PARD3B: variants seen among roughly 807,000 people sequenced by gnomAD.
PARD3B encodes the protein partitioning defective 3 homolog B.
A neutral mutation model predicts 130.2 loss-of-function variants in PARD3B; 103 were observed. That is an observed-to-expected ratio of 0.79 (90% CI 0.67 to 0.93). The LOEUF (loss-of-function observed/expected upper bound fraction) is 0.93. Ranked by LOEUF, PARD3B falls within the 40% of genes least tolerant of loss-of-function variation. The pLI, the probability that PARD3B is intolerant of heterozygous loss-of-function variation, is 0.00. For synonymous variants in PARD3B, 583 were observed against 553.2 expected (o/e 1.05, Z -0.76); for missense variants, 1,609 against 1,499.2 (o/e 1.07, Z -1.21).
chr2:204,935,998 A>G (rs1225464053), intron 2 of PARD3B, among the ~76,000 whole-genome samples: 1 of 152,238 alleles, frequency 6.6e-6, no homozygotes, highest in African/African-American at 2.4e-5. Context: ...GGAAGGCCCT[A>G]AGTGTCTATA....
chr2:205,168,320 A>AGTGTGTGTGTGT (rs1553630288), intron 11 of PARD3B, among the ~76,000 whole-genome samples: 9 of 119,690 alleles, frequency 7.5e-5, no homozygotes, highest in Non-Finnish European at 1.5e-4. Flanking sequence ...AGAGAGAGAG[A>AGTGTGTGTGTGT]GTGTGTGTGT....
rs892967338 is a variant in PARD3B, at chr2:205,265,839, G to T, written c.2185+20017G>T. 6.6e-6 allele frequency among the ~76,000 whole-genome samples: 1 copy of T among 151,812 alleles called. No individual in the cohort carries two copies. The highest frequency in any genetic ancestry group is 1.5e-5 in the Non-Finnish European group (1 of 67,860). On this transcript the variant is annotated intron_variant, in intron 16 of 22. Transcript: ENST00000406610. The surrounding 1 kb of genome is among the most constrained non-coding windows in gnomAD (Gnocchi z 4.3). ...CAAATACATATTTTTAAATTAAATG[G>T]GCTATCAAGTAGAGTTTAGAAATCT... is the stretch of plus-strand genomic sequence containing the variant.
chr2:205,181,783 A>G (rs2035801288), intron 13 of PARD3B, among the ~76,000 whole-genome samples: 1 of 152,232 alleles, frequency 6.6e-6, no homozygotes, highest in Non-Finnish European at 1.5e-5. Context: ...CAATGAAGTA[A>G]TGACTACAGG....
chr2:205,217,892 A>ATTTTTTTT (rs1409391243), intron 15 of PARD3B, among the ~76,000 whole-genome samples: 1 of 28,064 alleles, frequency 3.6e-5, no homozygotes, highest in Non-Finnish European at 6.5e-5. Flanking sequence ...ATATATATAT[A>ATTTTTTTT]TATTTTTTTT....
At position 205,066,158 on chromosome 2, in the gene PARD3B, G is replaced by A. The variant is rs186966792; in HGVS notation, c.504+18468G>A. ...CGTAAGAACAGATAAAGTTTCCCCC[G>A]ACAGACCCTGTGCATATTTTCTGCT... On this transcript the variant is annotated intron_variant, in intron 4 of 22. Transcript: ENST00000406610. 2.3e-3 allele frequency among the ~76,000 whole-genome samples: 347 copies of A among 152,226 alleles called. 5 individuals are homozygous for A. The highest frequency in any genetic ancestry group is 8.1e-3 in the African/African-American group (335 of 41,542).
intron 2 of PARD3B, among the ~76,000 whole-genome samples, chr2:204,816,585 T>C (rs892724087): frequency 9.2e-5 from 14 of 152,014 alleles, no homozygotes; most frequent in Non-Finnish European, 4.4e-5. Context: ...TTCTCACTTG[T>C]GCTATTACTA....
chr2:204,952,357 G>T (rs568125750), intron 2 of PARD3B, among the ~76,000 whole-genome samples: 1 of 152,090 alleles, frequency 6.6e-6, no homozygotes, highest in South Asian at 2.1e-4. Flanking sequence ...CTCTCTTAAG[G>T]GACTATCAAA....
At chr2:204,946,829 C>A (rs1196693819) in intron 2 of PARD3B, among the ~76,000 whole-genome samples, 1 of 152,126 alleles carries the variant, frequency 6.6e-6, no homozygotes, top group Admixed American at 6.5e-5. Context: ...ATTGTAAAGT[C>A]CAGTGCAGAA....
chr2:204,740,018 C>CT, intron 2 of PARD3B, among the ~76,000 whole-genome samples: 2 of 146,176 alleles, frequency 1.4e-5, no homozygotes, highest in Middle Eastern at 6.9e-3. Context: ...TTTGTTTTTT[C>CT]TTTTTTGTGA....
intron 6 of PARD3B, among the ~76,000 whole-genome samples, chr2:205,118,127 C>G (rs1052475049): frequency 2.0e-5 from 3 of 152,184 alleles, no homozygotes; most frequent in Non-Finnish European, 4.4e-5. Flanking sequence ...TGTCGCTGCC[C>G]TACTCGGAAG....
chr2:204,839,034 A>G (rs1226163540), intron 2 of PARD3B, among the ~76,000 whole-genome samples: 1 of 152,184 alleles, frequency 6.6e-6, no homozygotes, highest in East Asian at 1.9e-4. Context: ...CACCAAAGTA[A>G]GCTAGATGTT....
At chr2:204,822,214 G>A (rs915370953) in intron 2 of PARD3B, among the ~76,000 whole-genome samples, 2 of 152,214 alleles carry the variant, frequency 1.3e-5, no homozygotes, top group Admixed American at 6.5e-5. Flanking sequence ...TTCAGTGGAG[G>A]AAGTAACTGC....
intron 16 of PARD3B, among the ~76,000 whole-genome samples, chr2:205,248,850 G>A (rs956024485): frequency 4.0e-5 from 6 of 151,434 alleles, no homozygotes; most frequent in African/African-American, 1.5e-4. Context: ...CTTGTGATCC[G>A]CCCGCCTCGG....
chr2:204,924,812 A>T (rs1313944474), intron 2 of PARD3B, among the ~76,000 whole-genome samples: 2 of 152,104 alleles, frequency 1.3e-5, no homozygotes, highest in Admixed American at 1.3e-4. Context: ...TAAGTGCCGA[A>T]TTGGATTCAC....
intron 3 of PARD3B, among the ~76,000 whole-genome samples, chr2:205,031,024 G>A (rs1280345614): frequency 6.6e-6 from 1 of 152,068 alleles, no homozygotes; most frequent in Non-Finnish European, 1.5e-5. Flanking sequence ...AAGTGACCAA[G>A]GTCTGTGGAC....
At position 204,837,497 on chromosome 2, in the gene PARD3B, T is replaced by C. The variant is rs144873309; in HGVS notation, c.223-127655T>C. On this transcript the variant is annotated intron_variant, in intron 2 of 22. Transcript: ENST00000406610. The stretch of plus-strand genomic sequence containing the variant: ...GTGCAGTGGTGCAATCTTGGCTCAC[T>C]GCAACCTCCTCCTCCCGGGTTCAAG... Among the ~76,000 whole-genome samples the C allele has an allele frequency of 9.2e-5, 14 of 151,798 alleles. No individual in the cohort carries two copies. In the East Asian group the frequency reaches 2.7e-3, roughly 30 times the overall value.
chr2:205,120,577 A>C (rs894567619), intron 7 of PARD3B, among the ~76,000 whole-genome samples: 2 of 152,218 alleles, frequency 1.3e-5, no homozygotes, highest in African/African-American at 2.4e-5. Context: ...CCTAGCAACA[A>C]GCAAACGTGG....
At chr2:205,247,875 G>C (rs1003887208) in intron 16 of PARD3B, among the ~76,000 whole-genome samples, 1 of 152,016 alleles carries the variant, frequency 6.6e-6, no homozygotes, top group South Asian at 2.1e-4. Flanking sequence ...ACTCAAATAA[G>C]GTTCAAAATT....
intron 2 of PARD3B, among the ~76,000 whole-genome samples, chr2:204,761,562 T>A (rs2040897019): frequency 6.6e-6 from 1 of 151,252 alleles, no homozygotes; most frequent in Admixed American, 6.6e-5. Context: ...TGTTTTTTTT[T>A]AAATAAGGGG....
Sources: gnomAD v4.1 joint callset for allele counts (sites outside exome capture counted in the v4.1 genomes callset) on GRCh38, gnomAD v4.1.1 for gene constraint, Gnocchi (gnomAD v3.1) non-coding constraint, MANE v1.5 for transcripts, NCBI Gene and HGNC (gene_info 2026-07-23, HGNC 2026-07-21) for gene names.